Variants in PKHD1 observed in about 807,000 individuals in gnomAD.
The protein encoded by PKHD1 is fibrocystin.
Under a neutral mutation model 412.0 loss-of-function variants are expected in PKHD1, and 291 were observed. The observed-to-expected ratio is 0.71, with a 90% CI of 0.64 to 0.78. The LOEUF is 0.78. Ranked by LOEUF, PKHD1 falls within the 30% of genes least tolerant of loss-of-function variation. PKHD1 has a pLI of 0.00. For synonymous variants in PKHD1, 1,777 were observed against 1,821.5 expected (o/e 0.98, Z 0.62); for missense variants, 4,825 against 4,950.7 (o/e 0.97, Z 0.76).
chr6:51,811,370 G>A (rs888890686), intron 52 of PKHD1, among the ~76,000 whole-genome samples: 2 of 152,114 alleles, frequency 1.3e-5, no homozygotes, highest in Non-Finnish European at 2.9e-5. Flanking sequence ...CAGTAAGATG[G>A]TAATTCAATA....
At chr6:51,932,823 AAG>A (rs1195024397) in intron 37 of PKHD1, among the ~76,000 whole-genome samples, 4 of 152,170 alleles carry the variant, frequency 2.6e-5, no homozygotes, top group Non-Finnish European at 4.4e-5. Flanking sequence ...GCTTGAGGAA[AAG>A]ATCTTGCTTC....
intron 50 of PKHD1, among the ~76,000 whole-genome samples, chr6:51,837,301 G>A (rs1411256467): frequency 6.6e-6 from 1 of 152,184 alleles, no homozygotes; most frequent in Non-Finnish European, 1.5e-5. Context: ...GTTGCTGAAG[G>A]CTGCAGCCTT....
At chr6:51,868,464 C>G (rs1775440225) in intron 47 of PKHD1, among the ~76,000 whole-genome samples, 1 of 151,720 alleles carries the variant, frequency 6.6e-6, no homozygotes, top group African/African-American at 2.4e-5. Flanking sequence ...GCTGGCAGTG[C>G]TACTGGCAGC....
intron 41 of PKHD1, among the ~76,000 whole-genome samples, chr6:51,904,992 G>A (rs1343534250): frequency 2.0e-5 from 3 of 152,104 alleles, no homozygotes; most frequent in Non-Finnish European, 4.4e-5. Flanking sequence ...TTGTCTTTTA[G>A]AGCTAGAGTA....
chr6:51,813,174 CA>C (rs1222629544), intron 52 of PKHD1, among the ~76,000 whole-genome samples: 1 of 152,184 alleles, frequency 6.6e-6, no homozygotes, highest in Non-Finnish European at 1.5e-5. Context: ...ATATTCAGCT[CA>C]AAATAAAACT....
intron 8 of PKHD1, among the ~76,000 whole-genome samples, chr6:52,071,570 A>C (rs986551241): frequency 1.2e-4 from 19 of 152,014 alleles, no homozygotes; most frequent in African/African-American, 4.1e-4. Flanking sequence ...CCAGCAAAAC[A>C]TTGGGTATTT....
In PKHD1 at chr6:52,026,333, A is replaced by T. The variant is rs1027634207; in HGVS notation, c.3629-152T>A. 1.5e-5 allele frequency: 11 copies of T among 728,898 alleles called. 1 individual carries two copies. In the African/African-American group the frequency reaches 1.6e-4, roughly 10 times the overall value. 45.2% of individuals were successfully genotyped at this position (728,898 alleles called of 1,614,324 possible). A position where few individuals can be genotyped will look rare whatever the true frequency, so the allele number is the denominator to read the frequency against. ...TTTTTCTCACCCCCACCAAAGCTAA[A>T]TTTGTGATTATTTAGACAGGAGTCA... On this transcript the variant is annotated intron_variant, in intron 31 of 66. Transcript: ENST00000371117.
At chr6:51,959,349 G>A (rs748265273) in intron 36 of PKHD1, among the ~76,000 whole-genome samples, 1 of 152,068 alleles carries the variant, frequency 6.6e-6, no homozygotes, top group Non-Finnish European at 1.5e-5. Flanking sequence ...TGGTAGTAGG[G>A]TTGAAATTCG....
intron 61 of PKHD1, among the ~76,000 whole-genome samples, chr6:51,651,344 A>G (rs1770933087): frequency 6.6e-6 from 1 of 152,174 alleles, no homozygotes; most frequent in African/African-American, 2.4e-5. Flanking sequence ...ATAATAGTGC[A>G]ATAAATCTGT....
Position 51,747,891 on chromosome 6 carries a change from C to A in PKHD1, c.9725G>T (p.Gly3242Val). ...TGAGGTGAATACAGGCCACAGAATA[C>A]CAATTCGACCTCCTCTTGGATTGGA... is the stretch of plus-strand genomic sequence containing the variant. ...APSNPRGGRI[G>V]ILWPVFTSEP... is the part of the protein sequence containing the mutation. The change falls in exon 58 of 67, where the codon GGT becomes GTT. Residue 3242 changes from glycine to valine, a missense_variant. Transcript: ENST00000371117. 1.2e-6 allele frequency: 2 copies of A among 1,613,956 alleles called. No homozygotes were observed. Among genetic ancestry groups the A allele is most frequent in the Non-Finnish European group, 1.7e-6 (2 of 1,179,938 alleles).
chr6:51,919,635 C>T (rs1236093659), intron 37 of PKHD1, among the ~76,000 whole-genome samples: 1 of 152,144 alleles, frequency 6.6e-6, no homozygotes, highest in African/African-American at 2.4e-5. Context: ...TCCACGTGAA[C>T]TTTAAAGAAG....
intron 49 of PKHD1, among the ~76,000 whole-genome samples, chr6:51,853,565 A>G (rs536601783): frequency 2.6e-5 from 4 of 152,258 alleles, no homozygotes; most frequent in Admixed American, 2.6e-4. Context: ...ACTCCAATCA[A>G]TCATAGGTTC....
intron 50 of PKHD1, among the ~76,000 whole-genome samples, chr6:51,844,435 C>A (rs1414341941): frequency 1.3e-5 from 2 of 152,162 alleles, no homozygotes; most frequent in Admixed American, 6.5e-5. Context: ...TGATTTTTTT[C>A]TTTGTCACTG....
chr6:51,912,609 A>C, intron 37 of PKHD1, 33 bp from the exon 38 acceptor site: 1 of 1,351,166 alleles, frequency 7.4e-7, no homozygotes. Flanking sequence ...TGTCCAGATA[A>C]TTTAATCATT....
At chr6:51,800,285 T>A (rs770167692) in intron 52 of PKHD1, among the ~76,000 whole-genome samples, 75 of 152,300 alleles carry the variant, frequency 4.9e-4, no homozygotes, top group Non-Finnish European at 9.3e-4. Flanking sequence ...CCTGAAAGTG[T>A]TCTATTTTTA....
chr6:51,776,222 G>T (rs1457768431), intron 53 of PKHD1, among the ~76,000 whole-genome samples: 1 of 151,974 alleles, frequency 6.6e-6, no homozygotes, highest in African/African-American at 2.4e-5. Context: ...AATGAAATTT[G>T]TGTGAAAGTG....
intron 60 of PKHD1, among the ~76,000 whole-genome samples, chr6:51,673,332 T>C (rs1359511224): frequency 1.3e-5 from 2 of 152,224 alleles, no homozygotes; most frequent in African/African-American, 2.4e-5. Context: ...CTAGTTTGAC[T>C]GTGTCCAGCT....
rs1767351798 is a variant in PKHD1 at position 51,627,144 on chromosome 6, T to C, written c.11666-28A>G. 1.9e-6 allele frequency: 3 copies of C among 1,600,014 alleles called. No homozygotes were observed. The East Asian group carries it at 6.7e-5, about 36-fold the overall frequency. On this transcript the variant is annotated intron_variant, in intron 65 of 66. Transcript: ENST00000371117. ...GTATTAATGGAGAAGAAAAAGGATT[T>C]TTTTGTTCAGTTGTAAGTGGGACCA... is the stretch of plus-strand genomic sequence containing the variant.
intron 66 of PKHD1, 89 bp from the exon 67 acceptor site, chr6:51,619,609 A>G: frequency 9.5e-7 from 1 of 1,051,454 alleles, no homozygotes; most frequent in East Asian, 2.4e-5. Flanking sequence ...CTGACAAGAT[A>G]TTGTCAAATC....
Sources: allele counts gnomAD v4.1 joint callset (sites outside exome capture counted in the v4.1 genomes callset), GRCh38; gene constraint gnomAD v4.1.1; transcripts MANE v1.5; gene names NCBI Gene and HGNC (gene_info 2026-07-23, HGNC 2026-07-21).